The following MSRA variants were observed in gnomAD, a reference collection of about 807,000 sequenced individuals.
MSRA encodes methionine sulfoxide reductase A.
Under a neutral mutation model 31.3 loss-of-function variants are expected in MSRA, and 54 were observed. The ratio of observed to expected loss-of-function variants is 1.73; its 90% confidence interval spans 1.39 to 2.17. The LOEUF is 2.17. MSRA is among the 30% of genes most tolerant of loss of function. MSRA has a pLI of 0.00. For synonymous variants in MSRA, 169 were observed against 116.5 expected, an observed-to-expected ratio of 1.45 and a Z score of -2.90; for missense variants, 507 against 300.9, an observed-to-expected ratio of 1.69 and a Z score of -5.07.
At chr8:10,092,878 G>T (rs1042898561) in intron 1 of MSRA, among the ~76,000 whole-genome samples, 1 of 152,108 alleles carries the variant, frequency 6.6e-6, no homozygotes, top group Admixed American at 6.5e-5. Flanking sequence ...CTGTTCTTAT[G>T]TATGTTTATA....
chr8:10,185,478 C>G (rs917520439), intron 1 of MSRA, among the ~76,000 whole-genome samples: 1 of 150,532 alleles, frequency 6.6e-6, no homozygotes, highest in African/African-American at 2.4e-5. Flanking sequence ...AGTTAATGCC[C>G]TGAAGATGCC....
At chr8:10,238,807 C>T (rs887690651) in intron 2 of MSRA, among the ~76,000 whole-genome samples, 1 of 152,074 alleles carries the variant, frequency 6.6e-6, no homozygotes, top group Non-Finnish European at 1.5e-5. Flanking sequence ...TTTAAAGCTT[C>T]TGAAAATATA....
chr8:10,361,191 CACTT>C (rs1029400784), intron 5 of MSRA, among the ~76,000 whole-genome samples: 25 of 152,172 alleles, frequency 1.6e-4, no homozygotes, highest in African/African-American at 5.8e-4. Flanking sequence ...TTACCAGAGA[CACTT>C]AATGCCACCT....
chr8:10,069,077 G>A (rs578002692), intron 1 of MSRA, among the ~76,000 whole-genome samples: 19 of 152,214 alleles, frequency 1.2e-4, no homozygotes, highest in East Asian at 3.9e-4. Flanking sequence ...CCAGTTGTTC[G>A]TTGCTGGTAT....
intron 5 of MSRA, chr8:10,320,481 A>C (rs1421752610): frequency 6.6e-6 from 1 of 152,344 alleles, no homozygotes; most frequent in African/African-American, 2.4e-5. Flanking sequence ...GTAAAAAAAT[A>C]AAGAGTAGGC....
chr8:10,097,811 A>G (rs1760478723), intron 1 of MSRA, among the ~76,000 whole-genome samples: 1 of 152,174 alleles, frequency 6.6e-6, no homozygotes, highest in Non-Finnish European at 1.5e-5. Flanking sequence ...GTCAGAATAT[A>G]CCTTAAGAAA....
intron 3 of MSRA, among the ~76,000 whole-genome samples, chr8:10,297,761 A>G (rs1265784155): frequency 6.6e-6 from 1 of 152,224 alleles, no homozygotes; most frequent in Admixed American, 6.5e-5. Context: ...TAAACAACCA[A>G]GCTTCTTTAA....
At chr8:10,199,462 A>G (rs572972172) in intron 1 of MSRA, among the ~76,000 whole-genome samples, 167 of 152,112 alleles carry the variant, frequency 1.1e-3, no homozygotes, top group African/African-American at 3.9e-3. Flanking sequence ...TGGGACTACA[A>G]ATGCGCGCCA....
At chr8:10,115,391 T>A (rs1800603727) in intron 1 of MSRA, among the ~76,000 whole-genome samples, 1 of 152,156 alleles carries the variant, frequency 6.6e-6, no homozygotes, top group Non-Finnish European at 1.5e-5. Flanking sequence ...ACAGTAAGAA[T>A]GGCAGGGGCC....
intron 5 of MSRA, among the ~76,000 whole-genome samples, chr8:10,379,939 GAC>G (rs1805967669): frequency 6.6e-6 from 1 of 152,218 alleles, no homozygotes; most frequent in Admixed American, 6.5e-5. Context: ...GCAGATTAGT[GAC>G]ATAAGTACTG....
chr8:10,289,925 T>G (rs774657965), intron 3 of MSRA, among the ~76,000 whole-genome samples: 1 of 152,224 alleles, frequency 6.6e-6, no homozygotes, highest in Non-Finnish European at 1.5e-5. Context: ...TATGGAGTTA[T>G]AAGATTTGAT....
chr8:10,226,705 ATGTT>A (rs113012077), intron 2 of MSRA, among the ~76,000 whole-genome samples: 6,480 of 152,040 alleles, frequency 0.043, 186 homozygotes, highest in Middle Eastern at 0.078. Flanking sequence ...GTATATATAT[ATGTT>A]TGTTTGTTTG....
intron 4 of MSRA, among the ~76,000 whole-genome samples, chr8:10,316,890 T>G (rs1310288514): frequency 3.9e-5 from 6 of 152,090 alleles, no homozygotes; most frequent in Non-Finnish European, 7.4e-5. Context: ...GACCCTACTT[T>G]CCAGCAGAAG....
At chr8:10,396,942 G>A (rs556193646) in intron 5 of MSRA, among the ~76,000 whole-genome samples, 2 of 152,230 alleles carry the variant, frequency 1.3e-5, no homozygotes, top group South Asian at 4.1e-4. Flanking sequence ...GCCATCAGTC[G>A]GCTTCCAAAC....
At chr8:10,104,222 A>G (rs1799723665) in intron 1 of MSRA, among the ~76,000 whole-genome samples, 2 of 152,184 alleles carry the variant, frequency 1.3e-5, no homozygotes, top group Admixed American at 1.3e-4. Context: ...CCAGTTTCTG[A>G]ATATTTCAGC....
At chr8:10,132,783 G>A (rs973483158) in intron 1 of MSRA, among the ~76,000 whole-genome samples, 1 of 152,224 alleles carries the variant, frequency 6.6e-6, no homozygotes, top group Non-Finnish European at 1.5e-5. Flanking sequence ...GATCAGAAAG[G>A]TTAAACAGTT....
intron 5 of MSRA, among the ~76,000 whole-genome samples, chr8:10,413,510 C>T (rs1263834641): frequency 1.3e-5 from 2 of 151,640 alleles, no homozygotes; most frequent in Non-Finnish European, 2.9e-5. Flanking sequence ...AAATATGTAA[C>T]AAAGAAACAT....
chr8:10,408,297 G>C (rs1200036167), intron 5 of MSRA, among the ~76,000 whole-genome samples: 3 of 152,200 alleles, frequency 2.0e-5, no homozygotes, highest in African/African-American at 7.2e-5. Flanking sequence ...AGCACTTCGG[G>C]AGGCTGAGAC....
intron 5 of MSRA, among the ~76,000 whole-genome samples, chr8:10,365,985 A>G (rs1004392277): frequency 4.6e-5 from 7 of 152,198 alleles, no homozygotes; most frequent in African/African-American, 1.7e-4. Context: ...CTTAGTGCCA[A>G]GCTGAGCAGC....
Sources: allele counts gnomAD v4.1 joint callset (sites outside exome capture counted in the v4.1 genomes callset), GRCh38; gene constraint gnomAD v4.1.1; transcripts MANE v1.5; gene names NCBI Gene and HGNC (gene_info 2026-07-23, HGNC 2026-07-21).